Variants in TSPAN11 observed in about 807,000 individuals in gnomAD.
TSPAN11 encodes the protein tetraspanin 11, also known as tetraspanin-11.
In TSPAN11, 29 loss-of-function variants were observed where a neutral mutation model predicts 32.9. The observed-to-expected ratio is 0.88, with a 90% confidence interval of 0.66 to 1.20. The LOEUF (loss-of-function observed/expected upper bound fraction) is 1.20, where lower values mean the gene tolerates loss of function less well. TSPAN11 is among the 50% of genes most tolerant of loss of function. TSPAN11 has a pLI of 0.00. For missense variants in TSPAN11, 283 were observed against 329.1 expected, an observed-to-expected ratio of 0.86 and a Z score of 1.08; for synonymous variants, 140 against 141.3, an observed-to-expected ratio of 0.99 and a Z score of 0.07.
At position 30,975,467 on chromosome 12, in the gene TSPAN11, C is replaced by T. The variant is rs1938948966; in HGVS notation, c.277-3094C>T. Among the ~76,000 whole-genome samples the T allele has an allele frequency of 1.3e-5, 2 of 152,050 alleles. No individual in the cohort carries two copies. Among genetic ancestry groups the T allele is most frequent in the Admixed American group, 6.5e-5 (1 of 15,282 alleles). On this transcript the variant is annotated intron_variant, in intron 3 of 7. Coordinates refer to ENST00000546076, the MANE Select transcript of TSPAN11 (RefSeq NM_001370302.1). The surrounding 1 kb of genome is among the most constrained non-coding windows in gnomAD (Gnocchi z 4.5). ...CCAGGCATCTTAACACACTGGAGCT[C>T]GAGAAGGCTATCCCCACACACCACC... is the stretch of plus-strand genomic sequence containing the variant.
At chr12:30,930,304 A>C (rs1278877248) in intron 1 of TSPAN11, among the ~76,000 whole-genome samples, 1 of 152,150 alleles carries the variant, frequency 6.6e-6, no homozygotes, top group African/African-American at 2.4e-5. Context: ...ACCTCTGAGC[A>C]CTCATTGTTG....
At chr12:30,974,618 C>T (rs993811039) in intron 3 of TSPAN11, among the ~76,000 whole-genome samples, 1 of 152,330 alleles carries the variant, frequency 6.6e-6, no homozygotes, top group African/African-American at 2.4e-5. Flanking sequence ...GTCTGCTAAG[C>T]GTTATGTCTA....
rs911260275 is a variant in TSPAN11, at chr12:30,979,740, T to G, written c.456+70T>G. On this transcript the variant is annotated intron_variant, in intron 5 of 7. Coordinates refer to ENST00000546076, the MANE Select transcript of TSPAN11 (RefSeq NM_001370302.1). ...TTCAAATCCCGACTGTTCTTTCCTT[T>G]CTGGGTGACCCTAGGCAAGTTACTT... The G allele has an allele frequency of 9.8e-6, 15 of 1,535,614 alleles. No individual in the cohort carries two copies. The African/African-American group carries it at 2.0e-4, about 21-fold the overall frequency.
chr12:30,933,305 T>A (rs1002729440), intron 1 of TSPAN11, among the ~76,000 whole-genome samples: 1 of 152,218 alleles, frequency 6.6e-6, no homozygotes, highest in Non-Finnish European at 1.5e-5. Flanking sequence ...AAGAGTGACA[T>A]TAATCTTCCC....
rs151155050 is a variant in TSPAN11 at position 30,980,966 on chromosome 12, G to A, written c.456+1296G>A. Among the ~76,000 whole-genome samples, 719 of 152,300 alleles carry A rather than the reference G, an allele frequency of 4.7e-3. 53 individuals carry two copies. The South Asian group carries it at 0.13, about 28-fold the overall frequency. On this transcript the variant is annotated intron_variant, in intron 5 of 7. Coordinates refer to ENST00000546076, the MANE Select transcript of TSPAN11 (RefSeq NM_001370302.1). ...AAGCTGGACACACAGCAGGCGATGT[G>A]CATGCAGTGCAAGGCTGGGCCACCC...
Position 30,963,876 on chromosome 12 carries a change from G to A in TSPAN11, c.135G>A (p.Lys45=), listed in dbSNP as rs1254840595. The A allele has an allele frequency of 1.2e-6, 2 of 1,612,762 alleles. No homozygotes were observed. Among genetic ancestry groups the A allele is most frequent in the Admixed American group, 1.7e-5 (1 of 60,030 alleles). The change falls in exon 3 of 8, where the codon AAG becomes AAA. Residue 45 remains lysine (K), a synonymous_variant. Coordinates refer to ENST00000546076, the MANE Select transcript of TSPAN11 (RefSeq NM_001370302.1). ...TGGGCATCTGGACCCTGGTGGAGAA[G>A]AGTGGCTACCTCAGCGTCCTGGCCT... ...LAVGIWTLVE[K]SGYLSVLASS...
At position 30,978,579 on chromosome 12, in the gene TSPAN11, GT is replaced by G. The variant is rs766589464; in HGVS notation, c.296del (p.Val99AlafsTer20). 348 of 1,614,216 alleles carry G rather than the reference GT, an allele frequency of 2.2e-4. 2 individuals are homozygous for G. The South Asian group carries it at 2.3e-3, about 10-fold the overall frequency. Reference protein sequence around the residue: ...CLSTYFCLLLVIFLVELVAGV... With the variant: ...CLSTYFCLLLXIFLVELVAGV... ...CTGCTAGTATTTCTGCCTGTTGCTC[GT>G]CATCTTCCTGGTTGAGCTGGTGGCG... On this transcript the variant is annotated frameshift_variant, in exon 4 of 8. Transcript: ENST00000546076. LOFTEE classifies it high-confidence loss of function.
intron 1 of TSPAN11, among the ~76,000 whole-genome samples, chr12:30,927,998 G>C (rs1287069956): frequency 6.6e-6 from 1 of 152,226 alleles, no homozygotes; most frequent in Non-Finnish European, 1.5e-5. Flanking sequence ...CCAAGTTGGT[G>C]GTCTGGCGAG....
intron 4 of TSPAN11, 126 bp downstream of exon 4, chr12:30,978,761 C>T (rs907967021): frequency 2.1e-5 from 18 of 874,536 alleles, no homozygotes; most frequent in Middle Eastern, 2.3e-4. Context: ...TCCCAGGCCC[C>T]GGCAATCCCC....
At chr12:30,984,833 T>C (rs35086) in intron 7 of TSPAN11, among the ~76,000 whole-genome samples, 145,502 of 152,248 alleles carry the variant, frequency 0.96, 69,572 homozygotes, top group East Asian at 0.96. Context: ...GCTGGAATTA[T>C]AGGCATGAGC....
At chr12:30,939,078 A>G (rs1938104172) in intron 1 of TSPAN11, among the ~76,000 whole-genome samples, 1 of 151,998 alleles carries the variant, frequency 6.6e-6, no homozygotes, top group South Asian at 2.1e-4. Flanking sequence ...CTAAAAATAC[A>G]AAAATTAGCC....
chr12:30,976,284 CCTT>C (rs1352137071), intron 3 of TSPAN11, among the ~76,000 whole-genome samples: 2 of 152,122 alleles, frequency 1.3e-5, no homozygotes, highest in Admixed American at 1.3e-4. Context: ...GTTGGGTCCT[CCTT>C]GTCCCTAAAC....
rs1212828682 is a variant in TSPAN11, at chr12:30,993,049, G to C, written c.*1134G>C. Reference sequence around the variant, plus strand: ...CTTTCCCCAGTAATAAGGGAGAACAGAAAGAAAATCCTAGAAAATACAGAG... The same window carrying C: ...CTTTCCCCAGTAATAAGGGAGAACACAAAGAAAATCCTAGAAAATACAGAG... On this transcript the variant is annotated 3_prime_UTR_variant, in exon 8 of 8. Coordinates refer to ENST00000546076, the MANE Select transcript of TSPAN11 (RefSeq NM_001370302.1). The C allele has an allele frequency of 6.6e-6, 1 of 152,224 alleles. No homozygotes were observed. The highest frequency in any genetic ancestry group is 6.5e-5 in the Admixed American group (1 of 15,284). The allele number at this position is 152,224 out of a possible 1,614,324, so 9.4% of individuals were successfully genotyped here.
At chr12:30,957,090 G>A (rs967283398) in intron 2 of TSPAN11, among the ~76,000 whole-genome samples, 10 of 152,204 alleles carry the variant, frequency 6.6e-5, no homozygotes, top group East Asian at 1.9e-4. Flanking sequence ...ACCTTCTGCC[G>A]AGTCTCAAAG....
Position 30,994,230 on chromosome 12 carries a change from C to G in TSPAN11, c.*2315C>G, listed in dbSNP as rs1232554726. 4 of 152,362 alleles carry G rather than the reference C, an allele frequency of 2.6e-5. No individual in the cohort carries two copies. The highest frequency in any genetic ancestry group is 5.9e-5 in the Non-Finnish European group (4 of 68,160). 9.4% of individuals were successfully genotyped at this position (152,362 alleles called of 1,614,324 possible). On this transcript the variant is annotated 3_prime_UTR_variant, in exon 8 of 8. Transcript: ENST00000546076. ...TACAATGGTTGGAGTCCAGAGCCAA[C>G]GATGTGGTCCCCAGCGGGGTGTGCC...
intron 2 of TSPAN11, among the ~76,000 whole-genome samples, chr12:30,963,368 A>G (rs1938653005): frequency 6.6e-6 from 1 of 152,218 alleles, no homozygotes; most frequent in Non-Finnish European, 1.5e-5. Context: ...GGCAAACATA[A>G]GGATTAAACA....
chr12:30,953,620 A>AGT (rs1038998207), intron 1 of TSPAN11, among the ~76,000 whole-genome samples: 1 of 152,182 alleles, frequency 6.6e-6, no homozygotes, highest in East Asian at 1.9e-4. Flanking sequence ...AGTGATGCTG[A>AGT]GTGTGTGTGT....
intron 7 of TSPAN11, among the ~76,000 whole-genome samples, chr12:30,984,374 A>G (rs1257261451): frequency 6.6e-6 from 1 of 152,128 alleles, no homozygotes; most frequent in African/African-American, 2.4e-5. Context: ...TCTAAGAATG[A>G]GGCGATGCCT....
intron 6 of TSPAN11, 152 bp from the exon 7 acceptor site, chr12:30,982,912 C>A: frequency 9.6e-7 from 1 of 1,046,284 alleles, no homozygotes; most frequent in Non-Finnish European, 1.4e-6. Context: ...GCCCCTGGGG[C>A]CACTCAAGTA....
Sources: gnomAD v4.1 joint callset for allele counts (sites outside exome capture counted in the v4.1 genomes callset) on GRCh38, gnomAD v4.1.1 for gene constraint, Gnocchi (gnomAD v3.1) non-coding constraint, MANE v1.5 for transcripts, NCBI Gene and HGNC (gene_info 2026-07-23, HGNC 2026-07-21) for gene names.